Variants in MYO3A observed in about 807,000 individuals in gnomAD.
MYO3A encodes myosin IIIA, also known as myosin-IIIa.
A neutral mutation model predicts 192.7 loss-of-function variants in MYO3A; 180 were observed. That is an observed-to-expected ratio of 0.93 (90% CI 0.83 to 1.06). The LOEUF is 1.06. Among genes scored for constraint, MYO3A ranks in the 50% least tolerant of loss-of-function variants. The pLI is 0.00. For missense variants in MYO3A, 1,896 were observed against 1,905.0 expected, an observed-to-expected ratio of 1.00 and a Z score of 0.09; for synonymous variants, 628 against 645.3, an observed-to-expected ratio of 0.97 and a Z score of 0.41.
intron 20 of MYO3A, among the ~76,000 whole-genome samples, chr10:26,139,076 A>C (rs1840006232): frequency 6.6e-6 from 1 of 152,180 alleles, no homozygotes; most frequent in Non-Finnish European, 1.5e-5. Context: ...TGGTTTCAAA[A>C]CAATAATACT....
chr10:26,144,504 GCAGT>G (rs1390366694), intron 21 of MYO3A, among the ~76,000 whole-genome samples: 1 of 151,662 alleles, frequency 6.6e-6, no homozygotes, highest in Non-Finnish European at 1.5e-5. Context: ...TCATTTCATA[GCAGT>G]CAGTTGATTT....
At chr10:26,010,467 T>TTG (rs1564456859) in intron 6 of MYO3A, among the ~76,000 whole-genome samples, 4 of 143,062 alleles carry the variant, frequency 2.8e-5, no homozygotes, top group South Asian at 4.3e-4. Flanking sequence ...TTTTTTTTTT[T>TTG]TTTTGTTTTG....
intron 14 of MYO3A, among the ~76,000 whole-genome samples, chr10:26,075,691 T>G (rs1444669745): frequency 9.0e-5 from 13 of 143,978 alleles, no homozygotes; most frequent in African/African-American, 3.3e-4. Flanking sequence ...CTCTCTCATA[T>G]ATATGATATA....
At chr10:26,007,114 G>T (rs886870643) in intron 6 of MYO3A, among the ~76,000 whole-genome samples, 10 of 148,426 alleles carry the variant, frequency 6.7e-5, no homozygotes, top group Admixed American at 2.0e-4. Flanking sequence ...CATATCAACA[G>T]AACCGAAGAC....
chr10:26,075,127 G>A (rs917330037), intron 14 of MYO3A, among the ~76,000 whole-genome samples: 2 of 151,930 alleles, frequency 1.3e-5, no homozygotes, highest in Admixed American at 6.6e-5. Flanking sequence ...GTACCATACT[G>A]CTTTTATTAC....
chr10:26,048,111 T>C (rs1206277595), intron 10 of MYO3A, among the ~76,000 whole-genome samples: 3 of 152,182 alleles, frequency 2.0e-5, no homozygotes, highest in Non-Finnish European at 4.4e-5. Flanking sequence ...TTAAGGACAG[T>C]AGTGTAGTTT....
chr10:26,048,819 T>A (rs1012263498), intron 10 of MYO3A, among the ~76,000 whole-genome samples: 1 of 152,210 alleles, frequency 6.6e-6, no homozygotes. Context: ...GAGATAATGC[T>A]TTGAGTTGTT....
chr10:25,952,373 G>A, intron 3 of MYO3A, 95 bp downstream of exon 3: 2 of 1,328,592 alleles, frequency 1.5e-6, no homozygotes, highest in East Asian at 2.5e-5. Flanking sequence ...CATCACAATA[G>A]CAGTCTAAAA....
At chr10:26,093,170 A>G (rs1836804076) in intron 15 of MYO3A, among the ~76,000 whole-genome samples, 1 of 152,214 alleles carries the variant, frequency 6.6e-6, no homozygotes, top group Non-Finnish European at 1.5e-5. Flanking sequence ...TACAATGTAC[A>G]ATTAGTGTAC....
intron 30 of MYO3A, among the ~76,000 whole-genome samples, chr10:26,176,207 T>A (rs1842321785): frequency 6.7e-6 from 1 of 149,710 alleles, no homozygotes; most frequent in Admixed American, 6.7e-5. Flanking sequence ...GGCAGGAGAA[T>A]GGCGTGAACC....
intron 25 of MYO3A, among the ~76,000 whole-genome samples, chr10:26,155,875 A>C (rs909183859): frequency 1.3e-5 from 2 of 152,192 alleles, no homozygotes; most frequent in Admixed American, 6.5e-5. Flanking sequence ...GTTGGCATCA[A>C]ACACTGTATG....
chr10:26,170,375 T>G (rs752246146), intron 28 of MYO3A, 41 bp from the exon 29 acceptor site: 2 of 1,602,430 alleles, frequency 1.2e-6, no homozygotes, highest in Non-Finnish European at 1.7e-6. Flanking sequence ...TTTCTTTTAT[T>G]TGTTTATAAT....
chr10:26,195,298 T>C (rs1240021666), intron 32 of MYO3A, among the ~76,000 whole-genome samples: 1 of 152,188 alleles, frequency 6.6e-6, no homozygotes, highest in African/African-American at 2.4e-5. Context: ...AATCCAAATA[T>C]CTCTTGAGTT....
chr10:26,039,920 A>T (rs958826384), intron 10 of MYO3A, among the ~76,000 whole-genome samples: 1 of 149,888 alleles, frequency 6.7e-6, no homozygotes, highest in Admixed American at 6.6e-5. Context: ...ACTAATCTTG[A>T]GTTTAGATTG....
At chr10:26,011,197 T>G (rs1306661843) in intron 6 of MYO3A, among the ~76,000 whole-genome samples, 2 of 151,992 alleles carry the variant, frequency 1.3e-5, no homozygotes, top group Non-Finnish European at 2.9e-5. Context: ...GGGAGGCAGA[T>G]GTGTGTGAAT....
intron 4 of MYO3A, among the ~76,000 whole-genome samples, chr10:25,994,022 A>G (rs1277696947): frequency 6.6e-6 from 1 of 152,194 alleles, no homozygotes; most frequent in East Asian, 1.9e-4. Context: ...GTAGATGTCT[A>G]TTAGGTCCTC....
chr10:25,963,834 C>T (rs945324796), intron 4 of MYO3A, among the ~76,000 whole-genome samples: 8 of 152,080 alleles, frequency 5.3e-5, no homozygotes, highest in African/African-American at 1.9e-4. Flanking sequence ...TCTTTATACT[C>T]TTCTAACTTA....
At chr10:26,115,652 A>C (rs775569385) in intron 17 of MYO3A, among the ~76,000 whole-genome samples, 5 of 152,218 alleles carry the variant, frequency 3.3e-5, no homozygotes, top group Non-Finnish European at 5.9e-5. Flanking sequence ...CTAAACAAAC[A>C]TAACTAAATT....
chr10:25,958,980 TG>T (rs1837739615), intron 4 of MYO3A, among the ~76,000 whole-genome samples: 1 of 152,160 alleles, frequency 6.6e-6, no homozygotes, highest in Non-Finnish European at 1.5e-5. Context: ...CTGTTTTTGG[TG>T]TATAGGAATG....
Sources: gnomAD v4.1 joint callset for allele counts (sites outside exome capture counted in the v4.1 genomes callset) on GRCh38, gnomAD v4.1.1 for gene constraint, MANE v1.5 for transcripts, NCBI Gene and HGNC (gene_info 2026-07-23, HGNC 2026-07-21) for gene names.